Variants in ROR2 observed in about 807,000 individuals in gnomAD.
The protein encoded by ROR2 is tyrosine-protein kinase transmembrane receptor ROR2.
Under a neutral mutation model 74.9 loss-of-function variants are expected in ROR2, and 33 were observed. That is an observed-to-expected ratio of 0.44 (90% CI 0.33 to 0.59). The LOEUF (loss-of-function observed/expected upper bound fraction) is 0.59. Ranked by LOEUF, ROR2 falls within the 20% of genes least tolerant of loss-of-function variation. The pLI, the probability that ROR2 is intolerant of heterozygous loss-of-function variation, is 0.02. For missense variants in ROR2, 1,216 were observed against 1,313.8 expected, an observed-to-expected ratio of 0.93 and a Z score of 1.15; for synonymous variants, 586 against 558.7, an observed-to-expected ratio of 1.05 and a Z score of -0.69.
At chr9:91,848,163 G>A (rs143087872) in intron 1 of ROR2, among the ~76,000 whole-genome samples, 1 of 152,290 alleles carries the variant, frequency 6.6e-6, no homozygotes, top group East Asian at 1.9e-4. Context: ...TTCTACTTCT[G>A]ATAACGTATG....
intron 1 of ROR2, among the ~76,000 whole-genome samples, chr9:91,779,419 G>T (rs192137493): frequency 2.7e-5 from 4 of 146,136 alleles, no homozygotes; most frequent in Non-Finnish European, 4.5e-5. Context: ...TGCCCAGGCT[G>T]GAGTGCAGTG....
chr9:91,740,758 C>G (rs1399472391), intron 4 of ROR2, among the ~76,000 whole-genome samples: 1 of 151,928 alleles, frequency 6.6e-6, no homozygotes, highest in African/African-American at 2.4e-5. Context: ...TGGAGAGAGT[C>G]TGTTAAGTGG....
chr9:91,778,801 A>G (rs1331162983), intron 1 of ROR2, among the ~76,000 whole-genome samples: 1 of 152,196 alleles, frequency 6.6e-6, no homozygotes, highest in African/African-American at 2.4e-5. Flanking sequence ...CTGTAAAAAC[A>G]TCACAGAGTG....
At chr9:91,898,009 T>G (rs1296081776) in intron 1 of ROR2, among the ~76,000 whole-genome samples, 1 of 151,878 alleles carries the variant, frequency 6.6e-6, no homozygotes, top group Non-Finnish European at 1.5e-5. Context: ...ACAGGCTCCA[T>G]CCTGACCTTG....
intron 1 of ROR2, among the ~76,000 whole-genome samples, chr9:91,945,828 C>A (rs867841243): frequency 1.3e-5 from 2 of 152,182 alleles, no homozygotes. Context: ...TTTATGACAA[C>A]TGCACACGCA....
At chr9:91,887,614 C>A (rs1453348246) in intron 1 of ROR2, among the ~76,000 whole-genome samples, 1 of 152,040 alleles carries the variant, frequency 6.6e-6, no homozygotes, top group Non-Finnish European at 1.5e-5. Flanking sequence ...GGTTTCCTTG[C>A]GCCCTTATCT....
chr9:91,914,364 G>A (rs573190695), intron 1 of ROR2, among the ~76,000 whole-genome samples: 1 of 152,262 alleles, frequency 6.6e-6, no homozygotes, highest in Non-Finnish European at 1.5e-5. Flanking sequence ...GAGATACCCT[G>A]TACTACAACT....
At chr9:91,835,604 A>G (rs1191958906) in intron 1 of ROR2, among the ~76,000 whole-genome samples, 1 of 152,256 alleles carries the variant, frequency 6.6e-6, no homozygotes, top group Non-Finnish European at 1.5e-5. Context: ...GACTCATCGC[A>G]GTAAACTCAG....
At chr9:91,779,432 G>A (rs1173450824) in intron 1 of ROR2, among the ~76,000 whole-genome samples, 2 of 149,224 alleles carry the variant, frequency 1.3e-5, no homozygotes, top group Non-Finnish European at 3.0e-5. Context: ...GTGCAGTGGT[G>A]GGATCTCAGC....
At chr9:91,877,114 T>C (rs575005776) in intron 1 of ROR2, among the ~76,000 whole-genome samples, 2 of 152,182 alleles carry the variant, frequency 1.3e-5, no homozygotes, top group Non-Finnish European at 1.5e-5. Flanking sequence ...GGGAAGACTG[T>C]GGGGTGACAT....
At chr9:91,812,184 A>G (rs1287068077) in intron 1 of ROR2, among the ~76,000 whole-genome samples, 2 of 152,012 alleles carry the variant, frequency 1.3e-5, no homozygotes, top group African/African-American at 2.4e-5. Flanking sequence ...TCGGTGTTCC[A>G]TTCACTTGAC....
At chr9:91,766,936 C>T (rs1405429653) in intron 2 of ROR2, among the ~76,000 whole-genome samples, 1 of 152,198 alleles carries the variant, frequency 6.6e-6, no homozygotes, top group African/African-American at 2.4e-5. Context: ...GGCTCATCTC[C>T]CCAGTGCCCA....
rs1270338883 is a variant in ROR2 at position 91,950,030 on chromosome 9, A to G, written c.-67T>C. 8 of 740,474 alleles carry G rather than the reference A, an allele frequency of 1.1e-5. No homozygotes were observed. The Admixed American group carries it at 2.1e-4, about 20-fold the overall frequency. 45.9% of individuals were successfully genotyped at this position (740,474 alleles called of 1,614,324 possible). A position where few individuals can be genotyped will look rare whatever the true frequency, so the allele number is the denominator to read the frequency against. On this transcript the variant is annotated 5_prime_UTR_variant, in exon 1 of 9. Coordinates refer to ENST00000375708, the MANE Select transcript of ROR2 (RefSeq NM_004560.4). ...CCGGGGCGCGGGGTCGGGCGCCACC[A>G]CCCCTTTCTACGATGCGTCCGCTCC... is the stretch of plus-strand genomic sequence containing the variant.
intron 2 of ROR2, among the ~76,000 whole-genome samples, chr9:91,767,315 C>A (rs1826091447): frequency 6.6e-6 from 1 of 152,112 alleles, no homozygotes; most frequent in Non-Finnish European, 1.5e-5. Context: ...CCTCGTGATC[C>A]ACCCGCCTCA....
chr9:91,908,533 G>C (rs1394574591), intron 1 of ROR2, among the ~76,000 whole-genome samples: 1 of 152,128 alleles, frequency 6.6e-6, no homozygotes, highest in Non-Finnish European at 1.5e-5. Context: ...ACAACCCCAG[G>C]AGGTAGATAG....
chr9:91,885,438 A>C, intron 1 of ROR2, among the ~76,000 whole-genome samples: 1 of 152,168 alleles, frequency 6.6e-6, no homozygotes, highest in Non-Finnish European at 1.5e-5. Context: ...CCTAATTCTC[A>C]GCCCATTATC....
At chr9:91,753,500 C>T (rs953055806) in intron 4 of ROR2, among the ~76,000 whole-genome samples, 3 of 152,186 alleles carry the variant, frequency 2.0e-5, no homozygotes, top group East Asian at 1.9e-4. Context: ...AAGTAACCTA[C>T]GAATGACCAT....
At chr9:91,899,368 T>C (rs554665445) in intron 1 of ROR2, among the ~76,000 whole-genome samples, 2 of 152,270 alleles carry the variant, frequency 1.3e-5, no homozygotes, top group East Asian at 3.9e-4. Context: ...TTATACCATG[T>C]GTGGGGCCCC....
intron 1 of ROR2, among the ~76,000 whole-genome samples, chr9:91,939,796 A>G (rs1831800340): frequency 1.3e-5 from 2 of 152,208 alleles, no homozygotes; most frequent in South Asian, 4.1e-4. Context: ...TCATAAAGCC[A>G]GTGTTCTGAG....
Sources: gnomAD v4.1 joint callset for allele counts (sites outside exome capture counted in the v4.1 genomes callset) on GRCh38, gnomAD v4.1.1 for gene constraint, MANE v1.5 for transcripts, NCBI Gene and HGNC (gene_info 2026-07-23, HGNC 2026-07-21) for gene names.